The following ALDH1A1 variants were observed in gnomAD, a reference collection of about 807,000 sequenced individuals.
ALDH1A1 encodes the protein aldehyde dehydrogenase 1 family member A1.
A neutral mutation model predicts 62.1 loss-of-function variants in ALDH1A1; 19 were observed. That is an observed-to-expected ratio of 0.31 (90% confidence interval 0.21 to 0.45). The LOEUF is 0.45. Ranked by LOEUF, ALDH1A1 falls within the 20% of genes least tolerant of loss-of-function variation. ALDH1A1 has a pLI of 1.00. For missense variants in ALDH1A1, 521 were observed against 607.1 expected, an observed-to-expected ratio of 0.86 and a Z score of 1.49; for synonymous variants, 231 against 215.9, an observed-to-expected ratio of 1.07 and a Z score of -0.61.
chr9:72,904,070 A>G (rs1829842155), intron 12 of ALDH1A1, among the ~76,000 whole-genome samples: 1 of 152,124 alleles, frequency 6.6e-6, no homozygotes, highest in Admixed American at 6.6e-5. Flanking sequence ...AACTCCCACA[A>G]GAACTCTCAT....
intron 8 of ALDH1A1, 60 bp from the exon 9 acceptor site, chr9:72,917,164 T>C: frequency 3.2e-6 from 4 of 1,236,754 alleles, no homozygotes; most frequent in Non-Finnish European, 3.1e-6. Flanking sequence ...TTTTATATGT[T>C]TCTCAGAGGC....
intron 8 of ALDH1A1, among the ~76,000 whole-genome samples, chr9:72,918,328 T>C (rs1830089297): frequency 6.6e-6 from 1 of 152,198 alleles, no homozygotes; most frequent in South Asian, 2.1e-4. Context: ...AGAGGGCAAA[T>C]GTGAAACTGC....
At chr9:72,902,430 C>T (rs193181007) in intron 12 of ALDH1A1, among the ~76,000 whole-genome samples, 103 of 152,042 alleles carry the variant, frequency 6.8e-4, no homozygotes, top group African/African-American at 2.5e-3. Context: ...GCTGGGTAAC[C>T]TAATACTCTT....
intron 9 of ALDH1A1, among the ~76,000 whole-genome samples, chr9:72,913,158 G>C (rs1027336892): frequency 6.6e-6 from 1 of 152,094 alleles, no homozygotes; most frequent in African/African-American, 2.4e-5. Flanking sequence ...ATCTTCCAAA[G>C]CCAAGAAAAA....
chr9:72,921,026 T>C (rs1343251462), intron 7 of ALDH1A1, among the ~76,000 whole-genome samples: 2 of 152,168 alleles, frequency 1.3e-5, no homozygotes, highest in Non-Finnish European at 2.9e-5. Flanking sequence ...GGCGGGCAGA[T>C]CATGAGGTCA....
chr9:72,948,494 T>C (rs1237177732), intron 1 of ALDH1A1, among the ~76,000 whole-genome samples: 1 of 151,886 alleles, frequency 6.6e-6, no homozygotes, highest in Admixed American at 6.6e-5. Flanking sequence ...GAGCATAACA[T>C]GCTCTTGTCC....
At chr9:72,912,167 T>C (rs1235696205) in intron 9 of ALDH1A1, 45 bp from the exon 10 acceptor site, 1 of 1,546,820 alleles carries the variant, frequency 6.5e-7, no homozygotes, top group Non-Finnish European at 8.9e-7. Context: ...TAGTCACTTG[T>C]AAAGATAACA....
At chr9:72,906,620 A>G (rs1260528914) in intron 11 of ALDH1A1, among the ~76,000 whole-genome samples, 1 of 152,174 alleles carries the variant, frequency 6.6e-6, no homozygotes, top group Non-Finnish European at 1.5e-5. Flanking sequence ...AACAAACATA[A>G]TTACATGAAT....
chr9:72,917,289 A>G lies in ALDH1A1; in HGVS notation c.851-185T>C, dbSNP rs146633279. Among the ~76,000 whole-genome samples, 126 of 152,284 alleles carry G rather than the reference A, an allele frequency of 8.3e-4. No individual in the cohort carries two copies. The East Asian group carries it at 0.023, about 28-fold the overall frequency. The stretch of plus-strand genomic sequence containing the variant: ...TTTCTGATCCTGCATTTACCATGGA[A>G]AAAATAGAAACATACAGAATCTGAA... On this transcript the variant is annotated intron_variant, in intron 8 of 12. Transcript: ENST00000297785.
chr9:72,912,183 C>G, intron 9 of ALDH1A1, 61 bp from the exon 10 acceptor site: 1 of 1,452,650 alleles, frequency 6.9e-7, no homozygotes, highest in Non-Finnish European at 9.4e-7. Context: ...TAACACATTG[C>G]TGGGCCTGTT....
intron 1 of ALDH1A1, among the ~76,000 whole-genome samples, chr9:72,949,894 T>G (rs946787497): frequency 5.3e-5 from 8 of 150,878 alleles, no homozygotes; most frequent in African/African-American, 1.9e-4. Context: ...GAAGAGAGAA[T>G]GGCAAACAAA....
At chr9:72,948,327 C>T (rs949271052) in intron 1 of ALDH1A1, among the ~76,000 whole-genome samples, 6 of 151,904 alleles carry the variant, frequency 3.9e-5, no homozygotes, top group African/African-American at 1.2e-4. Flanking sequence ...ATCAGCTTTG[C>T]GTTGAACATA....
chr9:72,925,248 C>T (rs1830189821), intron 6 of ALDH1A1, among the ~76,000 whole-genome samples: 3 of 152,086 alleles, frequency 2.0e-5, no homozygotes, highest in Non-Finnish European at 1.5e-5. Context: ...AAATGTGATC[C>T]CAAGTTGACT....
rs139471640 is a variant in ALDH1A1 at position 72,947,126 on chromosome 9, A to G, written c.66+5809T>C. Among the ~76,000 whole-genome samples the G allele has an allele frequency of 4.9e-3, 741 of 152,084 alleles. 4 individuals are homozygous for G. The highest frequency in any genetic ancestry group is 0.017 in the African/African-American group (687 of 41,540). Reference sequence around the variant, plus strand: ...ACAGTCAGGCAGGTGCCAGAAAACAAAACAACTTGCCAAGACAGCAGTCCT... The same window carrying G: ...ACAGTCAGGCAGGTGCCAGAAAACAGAACAACTTGCCAAGACAGCAGTCCT... On this transcript the variant is annotated intron_variant, in intron 1 of 12. Coordinates refer to ENST00000297785, the MANE Select transcript of ALDH1A1 (RefSeq NM_000689.5).
rs189873271 is a variant in ALDH1A1, at chr9:72,924,691, G to A, written c.634-559C>T. On this transcript the variant is annotated intron_variant, in intron 6 of 12. Coordinates refer to ENST00000297785, the MANE Select transcript of ALDH1A1 (RefSeq NM_000689.5). Reference sequence around the variant, plus strand: ...TTAAAGAATTCAGGTGAAGGCATGGGAACTGAGTTGGGCACATTACAATTT... The same window carrying A: ...TTAAAGAATTCAGGTGAAGGCATGGAAACTGAGTTGGGCACATTACAATTT... Among the ~76,000 whole-genome samples the A allele has an allele frequency of 2.0e-5, 3 of 152,248 alleles. No individual in the cohort carries two copies. The East Asian group carries it at 5.8e-4, about 29-fold the overall frequency.
At chr9:72,908,615 GAAAGAAAGA>G (rs1301397375) in intron 11 of ALDH1A1, among the ~76,000 whole-genome samples, 19 of 104,386 alleles carry the variant, frequency 1.8e-4, no homozygotes, top group South Asian at 9.4e-4. Context: ...AAGAAAGAAA[GAAAGAAAGA>G]AAGAGAATAT....
At chr9:72,910,319 T>C (rs896510917) in intron 10 of ALDH1A1, among the ~76,000 whole-genome samples, 4 of 152,152 alleles carry the variant, frequency 2.6e-5, no homozygotes, top group African/African-American at 9.7e-5. Context: ...ATTAGCCAAG[T>C]TAGGTAAACA....
chr9:72,932,958 G>A (rs1830302372), intron 2 of ALDH1A1, among the ~76,000 whole-genome samples: 2 of 152,126 alleles, frequency 1.3e-5, no homozygotes, highest in Non-Finnish European at 1.5e-5. Context: ...AAAGGGATAC[G>A]GAGAACTGGC....
At chr9:72,946,557 G>T (rs1054661210) in intron 1 of ALDH1A1, among the ~76,000 whole-genome samples, 1 of 151,930 alleles carries the variant, frequency 6.6e-6, no homozygotes, top group African/African-American at 2.4e-5. Context: ...ACATGTCAGC[G>T]TCAGGAAAAC....
Sources: gnomAD v4.1 joint callset for allele counts (sites outside exome capture counted in the v4.1 genomes callset) on GRCh38, gnomAD v4.1.1 for gene constraint, MANE v1.5 for transcripts, NCBI Gene and HGNC (gene_info 2026-07-23, HGNC 2026-07-21) for gene names.